Variants in HS6ST3 observed in about 807,000 individuals in gnomAD.
HS6ST3 encodes the protein heparan-sulfate 6-O-sulfotransferase 3.
A neutral mutation model predicts 36.7 loss-of-function variants in HS6ST3; 12 were observed. The ratio of observed to expected loss-of-function variants is 0.33; its 90% CI spans 0.21 to 0.53. The LOEUF (loss-of-function observed/expected upper bound fraction) is 0.53, where lower values mean the gene tolerates loss of function less well. Among genes scored for constraint, HS6ST3 ranks in the 20% least tolerant of loss-of-function variants. The probability of loss-of-function intolerance (pLI) is 0.95; values close to 1 mark genes in which losing one functional copy is unlikely to be tolerated. For synonymous variants in HS6ST3, 240 were observed against 257.5 expected (o/e 0.93, Z 0.65); for missense variants, 584 against 640.9 (o/e 0.91, Z 0.96).
chr13:96,595,982 G>T (rs993591637), intron 1 of HS6ST3, among the ~76,000 whole-genome samples: 1 of 151,932 alleles, frequency 6.6e-6, no homozygotes, highest in Non-Finnish European at 1.5e-5. Flanking sequence ...AATACACGTG[G>T]TTTTTGATTA....
At chr13:96,373,814 T>C (rs2055301958) in intron 1 of HS6ST3, among the ~76,000 whole-genome samples, 1 of 152,230 alleles carries the variant, frequency 6.6e-6, no homozygotes, top group Non-Finnish European at 1.5e-5. Context: ...ATACAAATCA[T>C]GGTGTGCCTG....
intron 1 of HS6ST3, among the ~76,000 whole-genome samples, chr13:96,485,724 C>A (rs2055910917): frequency 1.3e-5 from 2 of 152,038 alleles, no homozygotes; most frequent in South Asian, 2.1e-4. Flanking sequence ...TATAGATATT[C>A]TTTAATGAAA....
chr13:96,746,238 G>T (rs1267297283), intron 1 of HS6ST3, among the ~76,000 whole-genome samples: 3 of 151,950 alleles, frequency 2.0e-5, no homozygotes, highest in Non-Finnish European at 4.4e-5. Context: ...TTCCAGTTTT[G>T]CATTGAGGAA....
chr13:96,512,904 A>T lies in HS6ST3; in HGVS notation c.708-319586A>T, dbSNP rs998910162. On this transcript the variant is annotated intron_variant, in intron 1 of 1. Coordinates refer to ENST00000376705, the MANE Select transcript of HS6ST3 (RefSeq NM_153456.4). ...TTTTTTGTTGTTGTTGTTGTTTCTTATAGTATGGGCAGATCTTTCACTACA... is the reference window on the plus strand; with the variant it reads ...TTTTTTGTTGTTGTTGTTGTTTCTTTTAGTATGGGCAGATCTTTCACTACA... Among the ~76,000 whole-genome samples the T allele has an allele frequency of 2.0e-5, 3 of 150,160 alleles. No individual in the cohort carries two copies. In the Admixed American group the frequency reaches 2.0e-4, roughly 10 times the overall value.
At chr13:96,656,992 TGTGTGTGA>T (rs1566422511) in intron 1 of HS6ST3, among the ~76,000 whole-genome samples, 3 of 137,292 alleles carry the variant, frequency 2.2e-5, no homozygotes, top group Middle Eastern at 3.4e-3. Context: ...TGTGTGTGTG[TGTGTGTGA>T]GAGAGAGAGA....
intron 1 of HS6ST3, among the ~76,000 whole-genome samples, chr13:96,300,729 A>G (rs1182345822): frequency 2.0e-5 from 3 of 152,212 alleles, no homozygotes; most frequent in Admixed American, 6.5e-5. Context: ...TTAAAAATAT[A>G]TAGCTTAATA....
chr13:96,828,160 T>A (rs909792713), intron 1 of HS6ST3, among the ~76,000 whole-genome samples: 2 of 152,184 alleles, frequency 1.3e-5, no homozygotes, highest in Admixed American at 6.5e-5. Context: ...GCTCAGACTG[T>A]TCTGTCCTTG....
At chr13:96,131,027 CA>C (rs1441147432) in intron 1 of HS6ST3, among the ~76,000 whole-genome samples, 1 of 152,084 alleles carries the variant, frequency 6.6e-6, no homozygotes, top group Non-Finnish European at 1.5e-5. Flanking sequence ...ATTTGAGGGC[CA>C]GGGGGTGTCA....
At chr13:96,183,965 G>A (rs2054252641) in intron 1 of HS6ST3, among the ~76,000 whole-genome samples, 1 of 152,136 alleles carries the variant, frequency 6.6e-6, no homozygotes, top group African/African-American at 2.4e-5. Context: ...CACTTTGGGA[G>A]GCTGAGGTGG....
chr13:96,312,999 G>T (rs2054949597), intron 1 of HS6ST3, among the ~76,000 whole-genome samples: 1 of 150,464 alleles, frequency 6.6e-6, no homozygotes, highest in Non-Finnish European at 1.5e-5. Context: ...TTTTCTTAGA[G>T]GATTGAATGT....
At chr13:96,581,497 C>A (rs1420127387) in intron 1 of HS6ST3, among the ~76,000 whole-genome samples, 1 of 152,052 alleles carries the variant, frequency 6.6e-6, no homozygotes, top group Non-Finnish European at 1.5e-5. Flanking sequence ...TCTGGGATTA[C>A]AGGTATGAGC....
chr13:96,559,817 T>A (rs2056255416), intron 1 of HS6ST3, among the ~76,000 whole-genome samples: 1 of 152,060 alleles, frequency 6.6e-6, no homozygotes, highest in South Asian at 2.1e-4. Flanking sequence ...TGATCATGCT[T>A]GAGAATAGGT....
rs1487918575 is a variant in HS6ST3 at position 96,838,894 on chromosome 13, C to T, written c.*5696C>T. ...CCAGCAACATCTGCAACACAAAAGC[C>T]CTTGAACTTCTAGGCAAGGACTCAT... On this transcript the variant is annotated 3_prime_UTR_variant, in exon 2 of 2. Coordinates refer to ENST00000376705, the MANE Select transcript of HS6ST3 (RefSeq NM_153456.4). The T allele has an allele frequency of 6.6e-6, 1 of 152,190 alleles. No homozygotes were observed. The highest frequency in any genetic ancestry group is 1.5e-5 in the Non-Finnish European group (1 of 68,044). The allele number at this position is 152,190 out of a possible 1,614,324, so 9.4% of individuals were successfully genotyped here.
chr13:96,322,098 C>T (rs9556559), intron 1 of HS6ST3, among the ~76,000 whole-genome samples: 55,050 of 151,988 alleles, frequency 0.36, 10,312 homozygotes, highest in African/African-American at 0.43. Context: ...CACAGACAAA[C>T]GTTTTCCTGT....
intron 1 of HS6ST3, among the ~76,000 whole-genome samples, chr13:96,135,017 A>G (rs1300506313): frequency 6.6e-6 from 1 of 152,168 alleles, no homozygotes; most frequent in African/African-American, 2.4e-5. Context: ...GCACTGCGCC[A>G]CATTACTGAA....
At chr13:96,660,696 C>T (rs1229806432) in intron 1 of HS6ST3, among the ~76,000 whole-genome samples, 1 of 151,910 alleles carries the variant, frequency 6.6e-6, no homozygotes, top group African/African-American at 2.4e-5. Context: ...ACAATAAGAA[C>T]CTTAAGATAA....
intron 1 of HS6ST3, among the ~76,000 whole-genome samples, chr13:96,740,649 T>C (rs1328891121): frequency 6.6e-6 from 1 of 152,148 alleles, no homozygotes; most frequent in East Asian, 1.9e-4. Flanking sequence ...AATATGTCAG[T>C]AAGGGGAGAA....
chr13:96,416,661 A>ATTTTT (rs55827702), intron 1 of HS6ST3, among the ~76,000 whole-genome samples: 1 of 143,460 alleles, frequency 7.0e-6, no homozygotes, highest in Non-Finnish European at 1.5e-5. Flanking sequence ...CTGTAAGTGT[A>ATTTTT]TTTTTTTTTT....
chr13:96,171,554 T>G (rs562796277), intron 1 of HS6ST3, among the ~76,000 whole-genome samples: 2 of 152,316 alleles, frequency 1.3e-5, no homozygotes, highest in Admixed American at 1.3e-4. Context: ...TATTTGAACT[T>G]TGTAGCAAAT....
Sources: gnomAD v4.1 joint callset for allele counts (sites outside exome capture counted in the v4.1 genomes callset) on GRCh38, gnomAD v4.1.1 for gene constraint, MANE v1.5 for transcripts, NCBI Gene and HGNC (gene_info 2026-07-23, HGNC 2026-07-21) for gene names.